The following SORD variants were observed in gnomAD, a reference collection of about 807,000 sequenced individuals.
The protein encoded by SORD is (R,R)-butanediol dehydrogenase.
A neutral mutation model predicts 35.6 loss-of-function variants in SORD; 18 were observed. That is an observed-to-expected ratio of 0.51 (90% CI 0.35 to 0.75). The LOEUF is 0.75. SORD is among the 30% of genes least tolerant of loss of function. The pLI, the probability that SORD is intolerant of heterozygous loss-of-function variation, is 0.01. For missense variants in SORD, 250 were observed against 390.2 expected (o/e 0.64, Z 3.03); for synonymous variants, 106 against 152.9 (o/e 0.69, Z 2.26).
At chr15:45,024,967 A>C (rs113714985) in intron 1 of SORD, among the ~76,000 whole-genome samples, 24 of 152,386 alleles carry the variant, frequency 1.6e-4, no homozygotes, top group Middle Eastern at 6.8e-3. Context: ...AACACAGTTA[A>C]GTTCTCCTTC....
chr15:45,046,345 T>C (rs1189885857), intron 3 of SORD, among the ~76,000 whole-genome samples: 1 of 152,138 alleles, frequency 6.6e-6, no homozygotes, highest in Non-Finnish European at 1.5e-5. Flanking sequence ...CAGGTTCAAG[T>C]GATTCTTGTG....
In SORD at chr15:45,034,855, G is replaced by C. The variant is rs368969766; in HGVS notation, c.67-5553G>C. On this transcript the variant is annotated intron_variant, in intron 1 of 8. Transcript: ENST00000267814. ...GGAGAGAGAGGCGCGAGCGGAAACC[G>C]GGGCTTCGCGCCGCGCTTGCGGGCC... 4.3e-4 allele frequency among the ~76,000 whole-genome samples: 65 copies of C among 152,352 alleles called. 1 individual carries two copies. Among genetic ancestry groups the C allele is most frequent in the East Asian group, 1.9e-3 (10 of 5,180 alleles).
rs1466280854 is a variant in SORD, at chr15:45,077,088, C to CT, written c.*3559dup. 7 of 147,824 alleles carry CT rather than the reference C, an allele frequency of 4.7e-5. No homozygotes were observed. The highest frequency in any genetic ancestry group is 1.0e-4 in the Non-Finnish European group (7 of 67,614). The allele number at this position is 147,824 out of a possible 1,614,324, so 9.2% of individuals were successfully genotyped here. ...CACCACATCCCATTGTGTGGATAGA[C>CT]TATCATTTATAAAGCAAATTGCAGT... On this transcript the variant is annotated 3_prime_UTR_variant, in exon 9 of 9. Coordinates refer to ENST00000267814, the MANE Select transcript of SORD (RefSeq NM_003104.6).
intron 3 of SORD, among the ~76,000 whole-genome samples, chr15:45,054,949 T>G (rs1203406322): frequency 1.1e-4 from 17 of 150,440 alleles, no homozygotes; most frequent in African/African-American, 4.2e-4. Context: ...AAAGATCAGA[T>G]AGTTGTAGAT....
At chr15:45,063,753 G>C (rs1160245993) in intron 4 of SORD, among the ~76,000 whole-genome samples, 2 of 152,216 alleles carry the variant, frequency 1.3e-5, no homozygotes, top group Non-Finnish European at 2.9e-5. Flanking sequence ...GGGCAGGCGT[G>C]TCTAGGAACC....
intron 4 of SORD, among the ~76,000 whole-genome samples, chr15:45,063,435 A>G (rs1356231528): frequency 1.3e-5 from 2 of 151,604 alleles, no homozygotes; most frequent in African/African-American, 4.9e-5. Flanking sequence ...CTCGTTCTCC[A>G]TCAACCCCCA....
At chr15:45,047,935 G>A (rs1401781875) in intron 3 of SORD, among the ~76,000 whole-genome samples, 1 of 152,196 alleles carries the variant, frequency 6.6e-6, no homozygotes, top group Non-Finnish European at 1.5e-5. Context: ...AAATCCAATT[G>A]TAACTTTGAT....
intron 1 of SORD, among the ~76,000 whole-genome samples, chr15:45,024,963 G>A (rs941873134): frequency 4.6e-5 from 7 of 152,262 alleles, no homozygotes; most frequent in African/African-American, 1.7e-4. Flanking sequence ...CAGAAACACA[G>A]TTAAGTTCTC....
chr15:45,034,846 G>A (rs1892835284), intron 1 of SORD, among the ~76,000 whole-genome samples: 1 of 152,250 alleles, frequency 6.6e-6, no homozygotes, highest in Non-Finnish European at 1.5e-5. Context: ...AGAGGCGCGA[G>A]CGGAAACCGG....
chr15:45,056,338 C>T (rs1167947547), intron 3 of SORD, among the ~76,000 whole-genome samples: 2 of 152,056 alleles, frequency 1.3e-5, no homozygotes, highest in Admixed American at 6.6e-5. Flanking sequence ...CATTCTTATA[C>T]ACCAATAACA....
chr15:45,038,056 AGGTTTT>A (rs1416179530), intron 1 of SORD, among the ~76,000 whole-genome samples: 1 of 152,046 alleles, frequency 6.6e-6, no homozygotes, highest in East Asian at 1.9e-4. Context: ...ACTTTGAGGA[AGGTTTT>A]GGTGACAATC....
chr15:45,029,607 C>T (rs1018175681), intron 1 of SORD, among the ~76,000 whole-genome samples: 7 of 152,406 alleles, frequency 4.6e-5, no homozygotes, highest in Admixed American at 3.9e-4. Flanking sequence ...CAGTTGGCCC[C>T]TTGCCTCGCT....
In SORD at chr15:45,023,248, G is replaced by C. The variant is rs1401729767; in HGVS notation, c.-36G>C. 6 of 1,515,498 alleles carry C rather than the reference G, an allele frequency of 4.0e-6. No individual in the cohort carries two copies. Among genetic ancestry groups the C allele is most frequent in the Non-Finnish European group, 5.3e-6 (6 of 1,130,730 alleles). The allele number at this position is 1,515,498 out of a possible 1,614,324, so 93.9% of individuals were successfully genotyped here. On this transcript the variant is annotated 5_prime_UTR_variant, in exon 1 of 9. Coordinates refer to ENST00000267814, the MANE Select transcript of SORD (RefSeq NM_003104.6). ...CCACCAGAGCGACCAAACGTCCCGC[G>C]CCTTCCAGGCCGCACTCCAGAGCCA...
chr15:45,069,892 C>T (rs1326837998), intron 7 of SORD: 2 of 152,174 alleles, frequency 1.3e-5, no homozygotes, highest in Admixed American at 1.3e-4. Context: ...GTGCCCGACT[C>T]GCCCCTCAGC....
At chr15:45,039,285 C>A (rs1485884874) in intron 1 of SORD, among the ~76,000 whole-genome samples, 2 of 152,144 alleles carry the variant, frequency 1.3e-5, no homozygotes, top group African/African-American at 4.8e-5. Context: ...CGTGCCACCA[C>A]GCCCGGCTAA....
intron 1 of SORD, among the ~76,000 whole-genome samples, chr15:45,029,403 C>T (rs1892733488): frequency 7.0e-6 from 1 of 142,646 alleles, no homozygotes; most frequent in African/African-American, 2.9e-5. Context: ...GTGCTCAACC[C>T]CTTGTGGGAG....
chr15:45,030,953 A>G (rs1892771879), intron 1 of SORD, among the ~76,000 whole-genome samples: 2 of 152,238 alleles, frequency 1.3e-5, no homozygotes, highest in African/African-American at 4.8e-5. Flanking sequence ...AGGTTTCACA[A>G]TAACTCAATG....
intron 4 of SORD, among the ~76,000 whole-genome samples, chr15:45,063,016 G>C (rs1242613401): frequency 6.7e-6 from 1 of 148,422 alleles, no homozygotes; most frequent in African/African-American, 2.6e-5. Flanking sequence ...TGGAGGTGCA[G>C]GAGTAGGCCT....
At chr15:45,041,312 A>G (rs558267345) in intron 2 of SORD, among the ~76,000 whole-genome samples, 2,227 of 151,552 alleles carry the variant, frequency 0.015, 47 homozygotes, top group African/African-American at 0.043. Context: ...TGTCATAATC[A>G]TGCAGGACCC....
Sources: gnomAD v4.1 joint callset for allele counts (sites outside exome capture counted in the v4.1 genomes callset) on GRCh38, gnomAD v4.1.1 for gene constraint, MANE v1.5 for transcripts, NCBI Gene and HGNC (gene_info 2026-07-23, HGNC 2026-07-21) for gene names.